UGT1A10: variants seen among roughly 807,000 people sequenced by gnomAD.
The protein encoded by UGT1A10 is UDP-glucuronosyltransferase 1A10.
UGT1A10 carries 49 observed loss-of-function variants against 45.8 expected under a neutral mutation model. That is an observed-to-expected ratio of 1.07 (90% CI 0.85 to 1.36). The LOEUF is 1.36. Ranked by LOEUF, UGT1A10 falls within the 40% of genes most tolerant of loss-of-function variation. The probability of loss-of-function intolerance (pLI) is 0.00; values close to 1 mark genes in which losing one functional copy is unlikely to be tolerated. For missense variants in UGT1A10, 745 were observed against 668.6 expected (o/e 1.11, Z -1.26); for synonymous variants, 284 against 249.7 (o/e 1.14, Z -1.29).
rs11902620 is a variant in UGT1A10, at chr2:233,737,991, T to C, written c.856-29043T>C. Among the ~76,000 whole-genome samples, 1,168 of 152,178 alleles carry C rather than the reference T, an allele frequency of 7.7e-3. 15 individuals carry two copies. The highest frequency in any genetic ancestry group is 0.027 in the African/African-American group (1,127 of 41,508). Reference sequence around the variant, plus strand: ...AGATTTAATATGGTTTGGCTCTGTGTCCCCCACCAAATCTCATCTTGAATT... The same window carrying C: ...AGATTTAATATGGTTTGGCTCTGTGCCCCCCACCAAATCTCATCTTGAATT... On this transcript the variant is annotated intron_variant, in intron 1 of 4. Transcript: ENST00000344644.
chr2:233,767,835 T>C lies in UGT1A10; in HGVS notation c.988-14T>C. Reference sequence around the variant, plus strand: ...TGTTCTTTCTTTACGTTCTGCTCTTTTTGCCCCTCCCAGGTCCTGTGGCGG... The same window carrying C: ...TGTTCTTTCTTTACGTTCTGCTCTTCTTGCCCCTCCCAGGTCCTGTGGCGG... On this transcript the variant is annotated splice_polypyrimidine_tract_variant and intron_variant, in intron 2 of 4. Coordinates refer to ENST00000344644, the MANE Select transcript of UGT1A10 (RefSeq NM_019075.4). 1.9e-6 allele frequency: 3 copies of C among 1,614,192 alleles called. No homozygotes were observed. Among genetic ancestry groups the C allele is most frequent in the Non-Finnish European group, 2.5e-6 (3 of 1,180,034 alleles).
At chr2:233,760,540 A>G (rs777452318) in intron 1 of UGT1A10, 2 of 1,614,130 alleles carry the variant, frequency 1.2e-6, no homozygotes, top group Non-Finnish European at 8.5e-7. Flanking sequence ...GCCATTCCAA[A>G]GGGAGGATGT....
intron 1 of UGT1A10, chr2:233,712,944 G>C (rs768332729): frequency 3.1e-6 from 5 of 1,612,628 alleles, no homozygotes; most frequent in Non-Finnish European, 2.5e-6. Context: ...ACAATTCTAG[G>C]AGGCACAACG....
chr2:233,765,991 C>T (rs939830697), intron 1 of UGT1A10, among the ~76,000 whole-genome samples: 3 of 152,048 alleles, frequency 2.0e-5, no homozygotes, highest in Admixed American at 1.3e-4. Context: ...TCCTGAAGCT[C>T]CAGTGGGCGT....
At position 233,699,574 on chromosome 2, in the gene UGT1A10, T is replaced by C. The variant is rs28898582; in HGVS notation, c.855+62197T>C. On this transcript the variant is annotated intron_variant, in intron 1 of 4. Transcript: ENST00000344644. ...CAGGTCATGGCCAGAGCTCTGGCTC[T>C]AGGACATCCTTTCTTCCCAGCCTGG... Among the ~76,000 whole-genome samples, 1,358 of 152,332 alleles carry C rather than the reference T, an allele frequency of 8.9e-3. 31 individuals carry two copies. Among genetic ancestry groups the C allele is most frequent in the African/African-American group, 0.03 (1,267 of 41,582 alleles).
rs141296723 is a variant in UGT1A10, at chr2:233,682,649, C to T, written c.855+45272C>T. The T allele has an allele frequency of 3.8e-5, 62 of 1,613,882 alleles. No individual in the cohort carries two copies. In the African/African-American group the frequency reaches 7.2e-4, roughly 19 times the overall value. On this transcript the variant is annotated intron_variant, in intron 1 of 4. Coordinates refer to ENST00000344644, the MANE Select transcript of UGT1A10 (RefSeq NM_019075.4). ...AATAGCCTCTGAAATTCTCCAAACCCCTGTCACGGCATATGATCTCTACAG... is the reference window on the plus strand; with the variant it reads ...AATAGCCTCTGAAATTCTCCAAACCTCTGTCACGGCATATGATCTCTACAG...
chr2:233,736,308 T>C (rs1250743024), intron 1 of UGT1A10, among the ~76,000 whole-genome samples: 1 of 152,222 alleles, frequency 6.6e-6, no homozygotes, highest in African/African-American at 2.4e-5. Flanking sequence ...TAATCAGCTA[T>C]TGAATTTTGT....
Position 233,637,220 on chromosome 2 carries a change from A to C in UGT1A10, c.698A>C (p.Glu233Ala). The C allele has an allele frequency of 1.2e-6, 2 of 1,613,966 alleles. No individual in the cohort carries two copies. Among genetic ancestry groups the C allele is most frequent in the Non-Finnish European group, 1.7e-6 (2 of 1,179,856 alleles). ...AGAAATGCCCTAGAAATAGCCTCTG[A>C]AATTCTCCAAACCCCTGTCACGGCA... The part of the protein sequence containing the change: ...LFRNALEIAS[E>A]ILQTPVTAYD... Residue 233 changes from glutamate (E) to alanine (A), a missense_variant, in exon 1 of 5, where the codon GAA (glutamate) becomes GCA (alanine). Coordinates refer to ENST00000344644, the MANE Select transcript of UGT1A10 (RefSeq NM_019075.4).
At chr2:233,755,026 G>C (rs776900288) in intron 1 of UGT1A10, 1 of 1,306,868 alleles carries the variant, frequency 7.7e-7, no homozygotes, top group Admixed American at 1.9e-5. Context: ...TCCTTGAAGG[G>C]CCTGCCGCCT....
chr2:233,756,325 C>G (rs903343397), intron 1 of UGT1A10: 1 of 152,158 alleles, frequency 6.6e-6, no homozygotes, highest in Non-Finnish European at 1.5e-5. Context: ...CTCCTTTAAA[C>G]CTCTAGTCAT....
intron 1 of UGT1A10, among the ~76,000 whole-genome samples, chr2:233,698,174 G>C (rs370008696): frequency 6.6e-6 from 1 of 152,128 alleles, no homozygotes. Flanking sequence ...AGAACATTCT[G>C]TATTATGATA....
intron 1 of UGT1A10, chr2:233,672,451 C>G (rs756268020): frequency 1.9e-6 from 3 of 1,613,942 alleles, no homozygotes; most frequent in Non-Finnish European, 8.5e-7. Flanking sequence ...CAGGGGAATA[C>G]TTTGCCACTA....
chr2:233,740,668 G>C (rs1267064015), intron 1 of UGT1A10: 1 of 151,782 alleles, frequency 6.6e-6, no homozygotes, highest in Non-Finnish European at 1.5e-5. Context: ...GAAGGTACAG[G>C]TGTTTCCATG....
chr2:233,706,179 C>A (rs2075892284), intron 1 of UGT1A10, among the ~76,000 whole-genome samples: 1 of 152,216 alleles, frequency 6.6e-6, no homozygotes, highest in Non-Finnish European at 1.5e-5. Flanking sequence ...TGTGGTGTGT[C>A]TGCCCAGGCT....
At chr2:233,653,975 G>A (rs1334619750) in intron 1 of UGT1A10, among the ~76,000 whole-genome samples, 1 of 152,190 alleles carries the variant, frequency 6.6e-6, no homozygotes, top group South Asian at 2.1e-4. Flanking sequence ...ACATTTGTAC[G>A]TACATGCCTA....
intron 1 of UGT1A10, chr2:233,718,879 T>G: frequency 6.2e-7 from 1 of 1,613,960 alleles, no homozygotes; most frequent in Non-Finnish European, 8.5e-7. Context: ...CTGCTCCTCC[T>G]CAGTGTCCAG....
chr2:233,731,097 C>G (rs1453448635), intron 1 of UGT1A10, among the ~76,000 whole-genome samples: 1 of 151,946 alleles, frequency 6.6e-6, no homozygotes, highest in African/African-American at 2.4e-5. Flanking sequence ...ATTTCTGTGC[C>G]TTTTTTATAA....
At position 233,713,131 on chromosome 2, in the gene UGT1A10, C is replaced by T. The variant is rs550853040; in HGVS notation, c.856-53903C>T. ...AGCCACTGGCTCAGCATGCGGGAGGCCTTGCGGGACCTCCATGCGAGAGGC... is the reference window on the plus strand; with the variant it reads ...AGCCACTGGCTCAGCATGCGGGAGGTCTTGCGGGACCTCCATGCGAGAGGC... On this transcript the variant is annotated intron_variant, in intron 1 of 4. Transcript: ENST00000344644. The T allele has an allele frequency of 2.1e-4, 341 of 1,613,802 alleles. 2 individuals carry two copies. The South Asian group carries it at 3.5e-3, about 17-fold the overall frequency.
intron 1 of UGT1A10, among the ~76,000 whole-genome samples, chr2:233,667,174 A>G (rs1325372106): frequency 6.6e-6 from 1 of 152,186 alleles, no homozygotes; most frequent in Non-Finnish European, 1.5e-5. Flanking sequence ...CAGTAATGGG[A>G]TGGCTGGGTC....
Sources: allele counts gnomAD v4.1 joint callset (sites outside exome capture counted in the v4.1 genomes callset), GRCh38; gene constraint gnomAD v4.1.1; transcripts MANE v1.5; gene names NCBI Gene and HGNC (gene_info 2026-07-23, HGNC 2026-07-21).